COL4A3: variants seen among roughly 807,000 people sequenced by gnomAD.
COL4A3 encodes the protein collagen alpha-3(IV) chain.
COL4A3 carries 135 observed loss-of-function variants against 217.4 expected under a neutral mutation model. The observed-to-expected ratio is 0.62, with a 90% CI of 0.54 to 0.72. COL4A3 has a LOEUF of 0.72. COL4A3 is among the 30% of genes least tolerant of loss of function. The pLI is 0.00. For synonymous variants in COL4A3, 690 were observed against 736.3 expected (o/e 0.94, Z 1.02); for missense variants, 1,868 against 2,119.9 (o/e 0.88, Z 2.33).
rs56065709 is a variant in COL4A3, at chr2:227,302,677, CAA to C, written c.3883-333_3883-332del. 7.9e-3 allele frequency among the ~76,000 whole-genome samples: 627 copies of C among 79,754 alleles called. 5 individuals carry two copies. Among genetic ancestry groups the C allele is most frequent in the African/African-American group, 0.037 (567 of 15,196 alleles). 52.3% of individuals were successfully genotyped at this position (79,754 alleles called of 152,430 possible). On this transcript the variant is annotated intron_variant, in intron 43 of 51. Coordinates refer to ENST00000396578, the MANE Select transcript of COL4A3 (RefSeq NM_000091.5). ...GGAGGACAAAACGAGACTCTTTCTC[CAA>C]AAAAAAAAAAAAAAAAAAAAAAAAA...
intron 43 of COL4A3, among the ~76,000 whole-genome samples, chr2:227,302,265 C>A (rs966948104): frequency 6.6e-6 from 1 of 152,198 alleles, no homozygotes; most frequent in East Asian, 1.9e-4. Context: ...CATTACTTCT[C>A]CTACCATCAT....
intron 3 of COL4A3, among the ~76,000 whole-genome samples, chr2:227,243,395 T>C (rs2125901720): frequency 6.6e-6 from 1 of 152,336 alleles, no homozygotes; most frequent in Non-Finnish European, 1.5e-5. Context: ...ATTTTAAATG[T>C]TTTCTGCATG....
rs887461495 is a variant in COL4A3, at chr2:227,253,684, G to A, written c.765+46G>A. On this transcript the variant is annotated intron_variant, in intron 13 of 51. Coordinates refer to ENST00000396578, the MANE Select transcript of COL4A3 (RefSeq NM_000091.5). The surrounding 1 kb of genome is among the most constrained non-coding windows in gnomAD (Gnocchi z 4.4). The stretch of plus-strand genomic sequence containing the variant: ...TTAGTGTTGTGCCTTCCCGTGTCTA[G>A]GATGAAGTCCTTGTGACCCTGCACC... 22 of 1,516,862 alleles carry A rather than the reference G, an allele frequency of 1.5e-5. 1 individual carries two copies. The highest frequency in any genetic ancestry group is 2.0e-5 in the Non-Finnish European group (22 of 1,091,422). The allele number at this position is 1,516,862 out of a possible 1,614,324, so 94.0% of individuals were successfully genotyped here. A position where few individuals can be genotyped will look rare whatever the true frequency, so the allele number is the denominator to read the frequency against.
At position 227,280,812 on chromosome 2, in the gene COL4A3, T is replaced by G. The variant is rs965957857; in HGVS notation, c.2375-81T>G. On this transcript the variant is annotated intron_variant, in intron 30 of 51. Transcript: ENST00000396578. ...AGATCTGATTTAGGTGGAAAAAAAGTTAACAGAAGAATGACTGGTACAGCA... is the reference window on the plus strand; with the variant it reads ...AGATCTGATTTAGGTGGAAAAAAAGGTAACAGAAGAATGACTGGTACAGCA... 17 of 1,165,202 alleles carry G rather than the reference T, an allele frequency of 1.5e-5. No homozygotes were observed. In the Admixed American group the frequency reaches 3.4e-4, roughly 23 times the overall value. The allele number at this position is 1,165,202 out of a possible 1,614,324, so 72.2% of individuals were successfully genotyped here.
At chr2:227,306,239 A>T (rs977921913) in intron 47 of COL4A3, among the ~76,000 whole-genome samples, 15 of 152,256 alleles carry the variant, frequency 9.9e-5, no homozygotes, top group Admixed American at 2.0e-4. Context: ...TAGCAAGTAG[A>T]CAGTTCAATG....
intron 4 of COL4A3, 87 bp downstream of exon 4, chr2:227,244,451 G>A: frequency 3.2e-6 from 4 of 1,248,310 alleles, no homozygotes; most frequent in Non-Finnish European, 4.7e-6. Context: ...GGAGTACACT[G>A]TGTATGGTTC....
At chr2:227,243,138 A>G (rs2069123378) in intron 3 of COL4A3, among the ~76,000 whole-genome samples, 1 of 152,206 alleles carries the variant, frequency 6.6e-6, no homozygotes, top group Admixed American at 6.5e-5. Flanking sequence ...TTCTTTAGAG[A>G]TGCTGAAATT....
At chr2:227,273,432 T>C (rs1174340742) in intron 26 of COL4A3, among the ~76,000 whole-genome samples, 1 of 152,164 alleles carries the variant, frequency 6.6e-6, no homozygotes, top group African/African-American at 2.4e-5. Flanking sequence ...AGAGACAGGG[T>C]CTCACTGTGT....
At chr2:227,258,828 C>T (rs2070361426) in intron 18 of COL4A3, among the ~76,000 whole-genome samples, 1 of 152,212 alleles carries the variant, frequency 6.6e-6, no homozygotes. Flanking sequence ...TCACTTAGCA[C>T]TGTGCCCAAC....
chr2:227,311,210 G>C (rs1212995030), intron 51 of COL4A3, among the ~76,000 whole-genome samples: 1 of 152,016 alleles, frequency 6.6e-6, no homozygotes, highest in African/African-American at 2.4e-5. Context: ...TTAAAGGGTG[G>C]GAGTAGTTTT....
intron 26 of COL4A3, among the ~76,000 whole-genome samples, chr2:227,274,116 A>G (rs2071407778): frequency 6.6e-6 from 1 of 152,142 alleles, no homozygotes; most frequent in African/African-American, 2.4e-5. Context: ...ACATACCCAC[A>G]GTCCCAGCTA....
chr2:227,245,637 G>A, intron 5 of COL4A3: 1 of 432,010 alleles, frequency 2.3e-6, no homozygotes, highest in Admixed American at 3.5e-5. Flanking sequence ...TTTCATCTGT[G>A]CACACTTTCC....
At chr2:227,229,685 A>G (rs551431133) in intron 1 of COL4A3, among the ~76,000 whole-genome samples, 9 of 151,994 alleles carry the variant, frequency 5.9e-5, no homozygotes, top group Non-Finnish European at 1.0e-4. Flanking sequence ...CAGCATCTCA[A>G]CTCCTTACAA....
At chr2:227,262,291 C>A (rs2070629329) in intron 20 of COL4A3, among the ~76,000 whole-genome samples, 1 of 151,944 alleles carries the variant, frequency 6.6e-6, no homozygotes, top group Admixed American at 6.6e-5. Flanking sequence ...CCTGCCAGGC[C>A]CCTAAGTAAA....
At chr2:227,248,686 A>T (rs1403537234) in intron 9 of COL4A3, among the ~76,000 whole-genome samples, 166 bp downstream of exon 9, 1 of 152,030 alleles carries the variant, frequency 6.6e-6, no homozygotes, top group Admixed American at 6.6e-5. Context: ...GTCTGGCCTC[A>T]TTTCATTCTA....
At chr2:227,208,765 TACACACAC>T (rs60244094) in intron 1 of COL4A3, among the ~76,000 whole-genome samples, 13,083 of 138,512 alleles carry the variant, frequency 0.094, 647 homozygotes, top group East Asian at 0.23. Flanking sequence ...GGCGGTTGGT[TACACACAC>T]ACACACACAC....
At chr2:227,298,606 TTAGAAACAATCACTGATAAA>T (rs1203262760) in intron 42 of COL4A3, 56 bp from the exon 43 acceptor site, 3 of 1,586,758 alleles carry the variant, frequency 1.9e-6, no homozygotes, top group Non-Finnish European at 1.7e-6. Context: ...TTATACTTCA[TTAGAAACAATCACTGATAAA>T]TAGAACCTTC....
In COL4A3 at chr2:227,251,218, T is replaced by C; in HGVS notation, c.609+16T>C. Reference sequence around the variant, plus strand: ...GGGATTCTTTGTGAGTATCAAGTCATCCTTGCTACAGACTCTGTCAACTAA... The same window carrying C: ...GGGATTCTTTGTGAGTATCAAGTCACCCTTGCTACAGACTCTGTCAACTAA... On this transcript the variant is annotated intron_variant, in intron 10 of 51. Coordinates refer to ENST00000396578, the MANE Select transcript of COL4A3 (RefSeq NM_000091.5). 6.2e-7 allele frequency: 1 copy of C among 1,608,598 alleles called. No individual in the cohort carries two copies. The highest frequency in any genetic ancestry group is 8.5e-7 in the Non-Finnish European group (1 of 1,175,180).
chr2:227,206,332 C>T (rs1036555920), intron 1 of COL4A3, among the ~76,000 whole-genome samples: 8 of 152,178 alleles, frequency 5.3e-5, no homozygotes, highest in African/African-American at 4.8e-5. Context: ...CTTGGTCTCC[C>T]GTAGTGCTGG....
Sources: gnomAD v4.1 joint callset for allele counts (sites outside exome capture counted in the v4.1 genomes callset) on GRCh38, gnomAD v4.1.1 for gene constraint, Gnocchi (gnomAD v3.1) non-coding constraint, MANE v1.5 for transcripts, NCBI Gene and HGNC (gene_info 2026-07-23, HGNC 2026-07-21) for gene names.